MSN: variants seen among roughly 807,000 people sequenced by gnomAD.
MSN encodes the protein epididymis luminal protein 70.
A neutral mutation model predicts 48.0 loss-of-function variants in MSN; 2 were observed. The ratio of observed to expected loss-of-function variants is 0.04; its 90% CI spans 0.02 to 0.13. The LOEUF (loss-of-function observed/expected upper bound fraction) is 0.13. Ranked by LOEUF, MSN falls within the 10% of genes least tolerant of loss-of-function variation. The pLI, the probability that MSN is intolerant of heterozygous loss-of-function variation, is 1.00. For synonymous variants in MSN, 146 were observed against 166.9 expected (o/e 0.87, Z 0.97); for missense variants, 267 against 470.1 (o/e 0.57, Z 3.99).
chrX:65,676,557 G>C (rs1421715076), intron 1 of MSN, among the ~76,000 whole-genome samples: 1 of 111,698 alleles, frequency 9.0e-6, no homozygotes, highest in Non-Finnish European at 1.9e-5. Context: ...TGACAATTTG[G>C]TTGTACAAAA....
intron 1 of MSN, among the ~76,000 whole-genome samples, chrX:65,639,843 A>C (rs2070635091): frequency 8.9e-6 from 1 of 111,751 alleles, no homozygotes; most frequent in Non-Finnish European, 1.9e-5. Context: ...GGATTCTGAG[A>C]GGGAAGGTAA....
intron 1 of MSN, among the ~76,000 whole-genome samples, chrX:65,645,496 G>A (rs915331304): frequency 9.1e-6 from 1 of 110,038 alleles, no homozygotes; most frequent in East Asian, 2.9e-4. Context: ...TTCTGTAGGC[G>A]GGGCGGGGGT....
chrX:65,654,264 C>A (rs1179536170), intron 1 of MSN, among the ~76,000 whole-genome samples: 1 of 108,648 alleles, frequency 9.2e-6, no homozygotes, highest in Admixed American at 9.9e-5. Context: ...CACCACCACA[C>A]TCAGCTAATT....
chrX:65,735,553 C>G (rs2071667810), intron 8 of MSN, 123 bp downstream of exon 8: 4 of 789,126 alleles, frequency 5.1e-6, no homozygotes, highest in Non-Finnish European at 7.0e-6. Flanking sequence ...GGTTAGACAC[C>G]AATATTCACA....
Position 65,739,210 on chromosome X carries a change from C to T in MSN, c.1569+16C>T, listed in dbSNP as rs752370686. The T allele has an allele frequency of 2.9e-5, 34 of 1,177,596 alleles. No individual in the cohort carries two copies. Among genetic ancestry groups the T allele is most frequent in the Middle Eastern group, 2.3e-4 (1 of 4,287 alleles). ...GCACCTGAAGGTATACAAGTAGGGCCAAGGGGCAAGGAAACTATATGCATT... is the reference window on the plus strand; with the variant it reads ...GCACCTGAAGGTATACAAGTAGGGCTAAGGGGCAAGGAAACTATATGCATT... On this transcript the variant is annotated intron_variant, in intron 12 of 12. Transcript: ENST00000360270.
At chrX:65,656,134 T>C (rs2070779215) in intron 1 of MSN, among the ~76,000 whole-genome samples, 1 of 112,421 alleles carries the variant, frequency 8.9e-6, no homozygotes, top group Non-Finnish European at 1.9e-5. Context: ...ATTAGTGCTC[T>C]GGTGATGGAC....
At chrX:65,702,630 C>T (rs2071318613) in intron 1 of MSN, among the ~76,000 whole-genome samples, 1 of 108,791 alleles carries the variant, frequency 9.2e-6, no homozygotes, top group Non-Finnish European at 1.9e-5. Flanking sequence ...CACGCCATTG[C>T]ACTCCAGCCT....
At position 65,656,271 on chromosome X, in the gene MSN, G is replaced by GTT. The variant is rs2070780742; in HGVS notation, c.-21-60546_-21-60545insTT. On this transcript the variant is annotated intron_variant, in intron 1 of 3. Coordinates refer to the MSN transcript ENST00000609672. ...GAGCTGAAAAGATCTATGCCTGTGTGTGTGTGTGTGTGTGTGTGTGTGTGT... is the reference window on the plus strand; with the variant it reads ...GAGCTGAAAAGATCTATGCCTGTGTGTTTGTGTGTGTGTGTGTGTGTGTGTGT... 4.9e-5 allele frequency among the ~76,000 whole-genome samples: 4 copies of GTT among 82,100 alleles called. No individual in the cohort carries two copies. In the South Asian group the frequency reaches 1.7e-3, roughly 35 times the overall value. The allele number at this position is 82,100 out of a possible 115,157, so 71.3% of individuals were successfully genotyped here. A position where few individuals can be genotyped will look rare whatever the true frequency, so the allele number is the denominator to read the frequency against.
upstream of MSN, among the ~76,000 whole-genome samples, chrX:65,666,005 G>A (rs767759593): frequency 9.0e-6 from 1 of 111,163 alleles, no homozygotes; most frequent in Admixed American, 9.6e-5. Context: ...ACTAAAACTC[G>A]GACTTATTTT....
chrX:65,654,105 T>C (rs1259055031), intron 1 of MSN, among the ~76,000 whole-genome samples: 2 of 86,300 alleles, frequency 2.3e-5, no homozygotes, highest in African/African-American at 9.0e-5. Context: ...AGACCCTTCT[T>C]TTTTTTTTTT....
intron 1 of MSN, among the ~76,000 whole-genome samples, chrX:65,692,475 C>T (rs1213343483): frequency 8.9e-6 from 1 of 112,322 alleles, no homozygotes; most frequent in African/African-American, 3.2e-5. Flanking sequence ...CAGATAAAAC[C>T]TTTGCTGTCC....
intron 1 of MSN, among the ~76,000 whole-genome samples, chrX:65,629,237 T>C (rs770122004): frequency 1.8e-5 from 2 of 111,493 alleles, no homozygotes; most frequent in African/African-American, 3.3e-5. Flanking sequence ...TGCTGAAACA[T>C]AACAAGAGTC....
At chrX:65,591,611 C>T (rs1381721958) in intron 1 of MSN, among the ~76,000 whole-genome samples, 1 of 111,822 alleles carries the variant, frequency 8.9e-6, no homozygotes, top group Non-Finnish European at 1.9e-5. Context: ...CATGGCAATT[C>T]CTGCTAGTCA....
At chrX:65,618,253 G>C (rs2070395705) in intron 1 of MSN, among the ~76,000 whole-genome samples, 2 of 111,195 alleles carry the variant, frequency 1.8e-5, no homozygotes, top group African/African-American at 6.6e-5. Context: ...TTCAATTCCT[G>C]GGTATCCTTG....
intron 1 of MSN, among the ~76,000 whole-genome samples, chrX:65,621,607 A>C (rs2070447337): frequency 9.2e-6 from 1 of 108,777 alleles, no homozygotes; most frequent in Non-Finnish European, 1.9e-5. Flanking sequence ...GTAGTTTCAC[A>C]TAAATTTTAG....
Position 65,692,793 on chromosome X carries a change from C to T in MSN, c.13-24025C>T, listed in dbSNP as rs150486203. Among the ~76,000 whole-genome samples the T allele has an allele frequency of 7.2e-3, 805 of 111,189 alleles. 8 individuals are homozygous for T. The highest frequency in any genetic ancestry group is 0.026 in the African/African-American group (780 of 30,550). On this transcript the variant is annotated intron_variant, in intron 1 of 12. Coordinates refer to ENST00000360270, the MANE Select transcript of MSN (RefSeq NM_002444.3). ...CTCCCAGGTTCAAGCGATTCTCCTG[C>T]CTCAGCCTCCTGAATAGCTGGGATT... is the stretch of plus-strand genomic sequence containing the variant.
chrX:65,699,748 CAAAAAAAAA>C (rs34875923), intron 1 of MSN, among the ~76,000 whole-genome samples: 1 of 43,036 alleles, frequency 2.3e-5, no homozygotes, highest in Non-Finnish European at 4.5e-5. Flanking sequence ...GAATCTGTTT[CAAAAAAAAA>C]AAAAAAAAAA....
At chrX:65,711,068 A>AT (rs1459264022) in intron 1 of MSN, among the ~76,000 whole-genome samples, 1 of 102,350 alleles carries the variant, frequency 9.8e-6, no homozygotes, top group Non-Finnish European at 2.0e-5. Context: ...TATTATTATT[A>AT]TTTTTTTGAG....
At chrX:65,685,786 G>T (rs760905152) in intron 1 of MSN, among the ~76,000 whole-genome samples, 1 of 111,834 alleles carries the variant, frequency 8.9e-6, no homozygotes, top group African/African-American at 3.3e-5. Flanking sequence ...GGTTTTTGCC[G>T]TGTTGGCCAG....
Sources: gnomAD v4.1 joint callset for allele counts (sites outside exome capture counted in the v4.1 genomes callset) on GRCh38, gnomAD v4.1.1 for gene constraint, MANE v1.5 for transcripts, NCBI Gene and HGNC (gene_info 2026-07-23, HGNC 2026-07-21) for gene names.